Variants in GRM8 observed in about 807,000 individuals in gnomAD.
GRM8 encodes glutamate metabotropic receptor 8.
In GRM8, 47 loss-of-function variants were observed where a neutral mutation model predicts 87.2. The ratio of observed to expected loss-of-function variants is 0.54; its 90% CI spans 0.43 to 0.69. The LOEUF (loss-of-function observed/expected upper bound fraction) is 0.69, where lower values mean the gene tolerates loss of function less well. GRM8 is among the 30% of genes least tolerant of loss of function. GRM8 has a pLI of 0.00. For missense variants in GRM8, 1,019 were observed against 1,139.2 expected, an observed-to-expected ratio of 0.89 and a Z score of 1.52; for synonymous variants, 396 against 404.5, an observed-to-expected ratio of 0.98 and a Z score of 0.25.
chr7:126,749,393 G>C (rs1816124571), intron 7 of GRM8, among the ~76,000 whole-genome samples: 1 of 151,892 alleles, frequency 6.6e-6, no homozygotes, highest in Non-Finnish European at 1.5e-5. Flanking sequence ...ATAAGCTTGA[G>C]TTAGGCACAA....
rs145904416 is a variant in GRM8, at chr7:126,624,037, C to A, written c.1358-14539G>T. ...TGCCCATTCTTTTTACCCCCTCTTG[C>A]ATTAACCTTGTCTTGGCTACTATAA... On this transcript the variant is annotated intron_variant, in intron 7 of 10. Coordinates refer to ENST00000339582, the MANE Select transcript of GRM8 (RefSeq NM_000845.3). Among the ~76,000 whole-genome samples the A allele has an allele frequency of 4.5e-3, 679 of 152,320 alleles. 7 individuals carry two copies. The highest frequency in any genetic ancestry group is 0.016 in the African/African-American group (648 of 41,572).
chr7:126,588,704 A>G (rs1346821201), intron 8 of GRM8, among the ~76,000 whole-genome samples: 1 of 152,198 alleles, frequency 6.6e-6, no homozygotes, highest in Non-Finnish European at 1.5e-5. Flanking sequence ...TCCTGAAAGA[A>G]CTACTGGAGG....
chr7:127,169,011 A>G (rs931263889), intron 2 of GRM8, among the ~76,000 whole-genome samples: 5 of 152,174 alleles, frequency 3.3e-5, no homozygotes, highest in African/African-American at 9.6e-5. Flanking sequence ...AAAAAAAAAA[A>G]AAACCTCTAA....
chr7:126,509,830 A>G (rs1811064041), intron 9 of GRM8, among the ~76,000 whole-genome samples: 3 of 152,096 alleles, frequency 2.0e-5, no homozygotes. Flanking sequence ...AGACACCTCT[A>G]CACATAGGAC....
At chr7:126,988,818 C>G (rs1812363821) in intron 3 of GRM8, among the ~76,000 whole-genome samples, 1 of 152,118 alleles carries the variant, frequency 6.6e-6, no homozygotes, top group Non-Finnish European at 1.5e-5. Flanking sequence ...CCAATTTGAC[C>G]AGTGAATTCA....
chr7:127,091,711 C>T (rs1824118464), intron 3 of GRM8, among the ~76,000 whole-genome samples: 1 of 140,292 alleles, frequency 7.1e-6, no homozygotes, highest in African/African-American at 2.7e-5. Context: ...ACCCCCCTGC[C>T]ATCCCACTGA....
rs554144770 is a variant in GRM8 at position 126,469,757 on chromosome 7, T to C, written c.2431-23385A>G. On this transcript the variant is annotated intron_variant, in intron 9 of 10. Transcript: ENST00000339582. ...AAACCTCTTCCATTTATAAATTACC[T>C]AGTCTCGAGTATGTCTTCATTAGCA... 3.9e-5 allele frequency among the ~76,000 whole-genome samples: 6 copies of C among 152,240 alleles called. No homozygotes were observed. In the East Asian group the frequency reaches 1.2e-3, roughly 29 times the overall value.
chr7:126,739,753 T>A (rs533388074), intron 7 of GRM8, among the ~76,000 whole-genome samples: 1 of 152,058 alleles, frequency 6.6e-6, no homozygotes, highest in African/African-American at 2.4e-5. Flanking sequence ...ACCACACACA[T>A]TTCGGTCAAT....
At chr7:126,770,523 C>T (rs186597233) in intron 6 of GRM8, among the ~76,000 whole-genome samples, 1 of 152,080 alleles carries the variant, frequency 6.6e-6, no homozygotes, top group Admixed American at 6.6e-5. Context: ...CATTTGGGAG[C>T]CTTTTTGTAA....
At chr7:126,732,215 G>A (rs1345211) in intron 7 of GRM8, among the ~76,000 whole-genome samples, 124,045 of 152,044 alleles carry the variant, frequency 0.82, 50,785 homozygotes, top group Admixed American at 0.84. Flanking sequence ...TATACTATAC[G>A]ACTGAAAAAC....
chr7:126,776,260 G>T (rs1819457974), intron 6 of GRM8, among the ~76,000 whole-genome samples: 1 of 152,108 alleles, frequency 6.6e-6, no homozygotes, highest in Non-Finnish European at 1.5e-5. Flanking sequence ...ATAACCCAGG[G>T]AAGTGAAAAC....
chr7:126,678,002 C>T (rs1254635859), intron 7 of GRM8, among the ~76,000 whole-genome samples: 1 of 152,184 alleles, frequency 6.6e-6, no homozygotes, highest in Non-Finnish European at 1.5e-5. Context: ...ATCCTGGGCA[C>T]TGGGAACATT....
chr7:126,806,104 G>A (rs1170645315), intron 6 of GRM8, among the ~76,000 whole-genome samples: 1 of 152,172 alleles, frequency 6.6e-6, no homozygotes, highest in Non-Finnish European at 1.5e-5. Flanking sequence ...GACCCTCGTG[G>A]TGAGTGTTAA....
Position 126,798,613 on chromosome 7 carries a change from G to T in GRM8, c.1157-28548C>A, listed in dbSNP as rs138656358. Among the ~76,000 whole-genome samples the T allele has an allele frequency of 2.2e-3, 328 of 152,290 alleles. 3 individuals carry two copies. Among genetic ancestry groups the T allele is most frequent in the African/African-American group, 7.5e-3 (311 of 41,560 alleles). On this transcript the variant is annotated intron_variant, in intron 6 of 10. Transcript: ENST00000339582. ...TGAAATAGGGCTGAGCTGTCTCCAT[G>T]TCAGCCTTGGCTCTTGCCTAGTAGC... is the stretch of plus-strand genomic sequence containing the variant.
rs528132730 is a variant in GRM8 at position 126,942,540 on chromosome 7, G to A, written c.728-37857C>T. Among the ~76,000 whole-genome samples the A allele has an allele frequency of 2.8e-4, 43 of 152,296 alleles. No individual in the cohort carries two copies. In the South Asian group the frequency reaches 4.2e-3, roughly 15 times the overall value. Reference sequence around the variant, plus strand: ...AGACCTGAGATGGGTGGATGTGGACGTTTGCTCTGCTCCATGACAATAAGC... The same window carrying A: ...AGACCTGAGATGGGTGGATGTGGACATTTGCTCTGCTCCATGACAATAAGC... On this transcript the variant is annotated intron_variant, in intron 3 of 10. Transcript: ENST00000339582.
intron 9 of GRM8, among the ~76,000 whole-genome samples, chr7:126,474,899 T>C (rs763557122): frequency 6.6e-6 from 1 of 152,186 alleles, no homozygotes; most frequent in South Asian, 2.1e-4. Flanking sequence ...ATCACCTCAA[T>C]AGATGCAGAA....
intron 2 of GRM8, among the ~76,000 whole-genome samples, chr7:127,235,944 A>C (rs1797959104): frequency 6.6e-6 from 1 of 152,212 alleles, no homozygotes; most frequent in Admixed American, 6.5e-5. Flanking sequence ...GGATTTATGC[A>C]TTTGGAAGTG....
chr7:126,830,620 GTT>G (rs1381230847), intron 6 of GRM8, among the ~76,000 whole-genome samples: 1 of 152,104 alleles, frequency 6.6e-6, no homozygotes, highest in Non-Finnish European at 1.5e-5. Flanking sequence ...TTTTTTCAAA[GTT>G]TTCAACTTCT....
intron 3 of GRM8, among the ~76,000 whole-genome samples, chr7:126,993,513 T>TA (rs1812878578): frequency 6.6e-6 from 1 of 152,012 alleles, no homozygotes; most frequent in Non-Finnish European, 1.5e-5. Context: ...AGCACCTTCA[T>TA]AAAAAACAAA....
Sources: gnomAD v4.1 joint callset for allele counts (sites outside exome capture counted in the v4.1 genomes callset) on GRCh38, gnomAD v4.1.1 for gene constraint, MANE v1.5 for transcripts, NCBI Gene and HGNC (gene_info 2026-07-23, HGNC 2026-07-21) for gene names.